EXD2: variants seen among roughly 807,000 people sequenced by gnomAD.
EXD2 encodes the protein exonuclease 3'-5' domain containing 2.
A neutral mutation model predicts 62.5 loss-of-function variants in EXD2; 40 were observed. The ratio of observed to expected loss-of-function variants is 0.64; its 90% CI spans 0.50 to 0.83. The LOEUF (loss-of-function observed/expected upper bound fraction) is 0.83. EXD2 is among the 40% of genes least tolerant of loss of function. EXD2 has a pLI of 0.00. For synonymous variants in EXD2, 239 were observed against 291.9 expected (o/e 0.82, Z 1.85); for missense variants, 671 against 761.8 (o/e 0.88, Z 1.40).
chr14:69,241,070 C>T lies in EXD2; in HGVS notation c.1836C>T (p.Phe612=), dbSNP rs35643457. The change falls in exon 10 of 10, where the codon TTC becomes TTT. Residue 612 remains phenylalanine (F), a synonymous_variant. Transcript: ENST00000685843. ...DHNHQKLLRK[F]GEDLPIQLS ...ACCATCAGAAGCTGCTCCGGAAATT[C>T]GGGGAAGATCTTCCCATCCAGCTGT... The T allele has an allele frequency of 2.3e-3, 3,747 of 1,612,552 alleles. 74 individuals are homozygous for T. The African/African-American group carries it at 0.046, about 20-fold the overall frequency.
chr14:69,238,580 G>C (rs1172577326), intron 9 of EXD2, among the ~76,000 whole-genome samples: 1 of 150,564 alleles, frequency 6.6e-6, no homozygotes, highest in Admixed American at 6.6e-5. Flanking sequence ...GTACATGTTT[G>C]GTACAGATAG....
intron 9 of EXD2, 77 bp from the exon 10 acceptor site, chr14:69,240,807 G>A (rs565066076): frequency 1.5e-4 from 201 of 1,297,318 alleles, no homozygotes; most frequent in African/African-American, 4.9e-4. Context: ...TACCCTTGGC[G>A]CGCAGCATTT....
At position 69,240,942 on chromosome 14, in the gene EXD2, G is replaced by A. The variant is rs753809426; in HGVS notation, c.1708G>A (p.Gly570Ser). Reference protein sequence around the residue: ...GLKVVQCHSQGGLRSLMQLES... With the variant: ...GLKVVQCHSQSGLRSLMQLES... ...GAAGGTGGTGCAGTGTCACAGCCAG[G>A]GTGGCCTGCGCTCCCTCATGCAGCT... The change falls in exon 10 of 10, where the codon GGT becomes AGT. Residue 570 changes from glycine to serine, a missense_variant. By Grantham distance (56) the Gly-to-Ser change is moderately conservative. Transcript: ENST00000685843. 4 of 1,613,518 alleles carry A rather than the reference G, an allele frequency of 2.5e-6. No individual in the cohort carries two copies. The highest frequency in any genetic ancestry group is 3.4e-6 in the Non-Finnish European group (4 of 1,180,014).
At position 69,234,718 on chromosome 14, in the gene EXD2, G is replaced by A; in HGVS notation, c.736G>A (p.Asp246Asn). The change falls in exon 6 of 10, where the codon GAT becomes AAT. Residue 246 changes from aspartate to asparagine, a missense_variant. By Grantham distance (23) the Asp-to-Asn change is conservative. Transcript: ENST00000685843. ...TEDQVIYAAR[D>N]AQISVALFLH... ...TCTTCAGGTAATTTATGCTGCCAGG[G>A]ATGCCCAGATTTCAGTGGCTCTCTT... 2 of 1,612,458 alleles carry A rather than the reference G, an allele frequency of 1.2e-6. No individual in the cohort carries two copies. The highest frequency in any genetic ancestry group is 1.7e-6 in the Non-Finnish European group (2 of 1,179,122).
At chr14:69,229,451 G>A (rs1277193024) in intron 4 of EXD2, among the ~76,000 whole-genome samples, 2 of 152,132 alleles carry the variant, frequency 1.3e-5, no homozygotes, top group African/African-American at 2.4e-5. Flanking sequence ...TTGAAATTAG[G>A]TAATCTGACT....
At position 69,191,534 on chromosome 14, in the gene EXD2, G is replaced by C. The variant is rs1371602246; in HGVS notation, c.-189G>C. ...GTGGGTGCGCGCAGGCGGCCGCACA[G>C]GTTCCAGGTCTTTAACGTGAGCCCG... is the stretch of plus-strand genomic sequence containing the variant. On this transcript the variant is annotated 5_prime_UTR_variant, in exon 1 of 10. Transcript: ENST00000685843. 6.6e-6 allele frequency: 1 copy of C among 152,404 alleles called. No individual in the cohort carries two copies. Among genetic ancestry groups the C allele is most frequent in the Non-Finnish European group, 1.5e-5 (1 of 68,176 alleles). The allele number at this position is 152,404 out of a possible 1,614,324, so 9.4% of individuals were successfully genotyped here.
intron 3 of EXD2, 147 bp downstream of exon 3, chr14:69,209,950 A>G: frequency 1.6e-6 from 1 of 629,240 alleles, no homozygotes; most frequent in South Asian, 2.9e-5. Flanking sequence ...TTTTAGCAGA[A>G]GAAGAAGCTG....
At chr14:69,231,909 TAAAAAAAAAAA>T (rs747438242) in intron 5 of EXD2, among the ~76,000 whole-genome samples, 3 of 60,624 alleles carry the variant, frequency 4.9e-5, no homozygotes, top group Non-Finnish European at 9.5e-5. Flanking sequence ...GCATGAGCAG[TAAAAAAAAAAA>T]AAAAAAAAAA....
chr14:69,229,161 CAT>C (rs2043478603), intron 4 of EXD2, 89 bp downstream of exon 4: 8 of 1,517,938 alleles, frequency 5.3e-6, no homozygotes, highest in East Asian at 2.3e-5. Context: ...AATAGTGAGA[CAT>C]GTGAAATTGT....
In EXD2 at chr14:69,237,713, G is replaced by A; in HGVS notation, c.1431G>A (p.Leu477=). ...ATGACAACCATCTGAAGCAGCAGCTGGCCAAGGAGTTCCAGGCCCCCATCG... is the reference window on the plus strand; with the variant it reads ...ATGACAACCATCTGAAGCAGCAGCTAGCCAAGGAGTTCCAGGCCCCCATCG... The part of the protein sequence containing the change: ...NYYDNHLKQQ[L]AKEFQAPIGS... Residue 477 remains leucine, a synonymous_variant, in exon 9 of 10, where the codon CTG becomes CTA. Transcript: ENST00000685843. The A allele has an allele frequency of 6.2e-7, 1 of 1,614,156 alleles. No individual in the cohort carries two copies. Among genetic ancestry groups the A allele is most frequent in the Non-Finnish European group, 8.5e-7 (1 of 1,180,004 alleles).
At position 69,209,793 on chromosome 14, in the gene EXD2, A is replaced by G; in HGVS notation, c.323A>G (p.Asp108Gly). The change falls in exon 3 of 10, where the codon GAC becomes GGC. Residue 108 changes from aspartate (D) to glycine (G), a missense_variant. By Grantham distance (94) the Asp-to-Gly change is moderately conservative. Transcript: ENST00000685843. ...GAAGATTTTCCAGTACTTGGAATTGACTGTGAGTGGGTAAGTTAAAAAGCA... is the reference window on the plus strand; with the variant it reads ...GAAGATTTTCCAGTACTTGGAATTGGCTGTGAGTGGGTAAGTTAAAAAGCA... ...ELEDFPVLGI[D>G]CEWVNLEGKA... 6.9e-7 allele frequency: 1 copy of G among 1,453,812 alleles called. No homozygotes were observed. Among genetic ancestry groups the G allele is most frequent in the Non-Finnish European group, 9.1e-7 (1 of 1,097,576 alleles). 90.1% of individuals were successfully genotyped at this position (1,453,812 alleles called of 1,614,324 possible). A position where few individuals can be genotyped will look rare whatever the true frequency, so the allele number is the denominator to read the frequency against.
intron 5 of EXD2, among the ~76,000 whole-genome samples, chr14:69,234,287 C>T (rs2043692394): frequency 6.6e-6 from 1 of 152,126 alleles, no homozygotes; most frequent in South Asian, 2.1e-4. Flanking sequence ...ATCATGATTT[C>T]AGCCATTCCA....
intron 5 of EXD2, 86 bp from the exon 6 acceptor site, chr14:69,234,614 G>A (rs1218232713): frequency 2.7e-6 from 3 of 1,094,508 alleles, no homozygotes; most frequent in Non-Finnish European, 3.9e-6. Context: ...GATCCTAAGA[G>A]TTATCTATTT....
intron 9 of EXD2, among the ~76,000 whole-genome samples, chr14:69,238,678 AGGCTGGAGTGCAGTGGCACTATCTT>A (rs1374891839): frequency 1.3e-5 from 2 of 149,168 alleles, no homozygotes; most frequent in African/African-American, 5.0e-5. Flanking sequence ...TCTGTCACCC[AGGCTGGAGTGCAGTGGCACTATCTT>A]GGCTCACTGT....
At chr14:69,230,423 C>T (rs2043527809) in intron 4 of EXD2, 49 bp from the exon 5 acceptor site, 3 of 1,355,498 alleles carry the variant, frequency 2.2e-6, no homozygotes, top group Non-Finnish European at 2.0e-6. Flanking sequence ...ATTTTCTTGT[C>T]CATGTCCTTT....
chr14:69,213,917 G>C (rs2042906751), intron 3 of EXD2: 2 of 722 alleles, frequency 2.8e-3, no homozygotes, highest in Admixed American at 0.04. Flanking sequence ...CTTTTTCTTT[G>C]CTTACATTTT....
At chr14:69,197,187 C>T (rs1594717757) in intron 1 of EXD2, among the ~76,000 whole-genome samples, 1 of 152,146 alleles carries the variant, frequency 6.6e-6, no homozygotes, top group East Asian at 1.9e-4. Context: ...CATCACTGCA[C>T]TGCAGCCTGG....
At chr14:69,204,671 T>TA (rs1466135168) in intron 2 of EXD2, among the ~76,000 whole-genome samples, 13 of 152,206 alleles carry the variant, frequency 8.5e-5, no homozygotes, top group African/African-American at 3.1e-4. Context: ...AGTAAACTGT[T>TA]ACCACAGTTT....
rs1047956112 is a variant in EXD2, at chr14:69,243,104, A to C, written c.*2004A>C. On this transcript the variant is annotated 3_prime_UTR_variant, in exon 10 of 10. Coordinates refer to ENST00000685843, the MANE Select transcript of EXD2 (RefSeq NM_001193360.2). ...AGGAAAAAGCCAGACTGCGTCACAC[A>C]AGATTTCTCATCCTTTTCAGGAGAG... The C allele has an allele frequency of 5.3e-5, 8 of 152,176 alleles. No homozygotes were observed. The highest frequency in any genetic ancestry group is 8.8e-5 in the Non-Finnish European group (6 of 68,030). The allele number at this position is 152,176 out of a possible 1,614,324, so 9.4% of individuals were successfully genotyped here.
Sources: allele counts gnomAD v4.1 joint callset (sites outside exome capture counted in the v4.1 genomes callset), GRCh38; gene constraint gnomAD v4.1.1; transcripts MANE v1.5; gene names NCBI Gene and HGNC (gene_info 2026-07-23, HGNC 2026-07-21).